The following CSMD1 variants were observed in gnomAD, a reference collection of about 807,000 sequenced individuals.
CSMD1 encodes the protein CUB and Sushi multiple domains 1.
Under a neutral mutation model 417.5 loss-of-function variants are expected in CSMD1, and 213 were observed. The observed-to-expected ratio is 0.51, with a 90% CI of 0.46 to 0.57. The LOEUF (loss-of-function observed/expected upper bound fraction) is 0.57. CSMD1 is among the 20% of genes least tolerant of loss of function. CSMD1 has a pLI of 0.00. For missense variants in CSMD1, 6,923 were observed against 4,529.7 expected (o/e 1.53, Z -15.17); for synonymous variants, 2,862 against 1,736.8 (o/e 1.65, Z -16.11).
intron 7 of CSMD1, among the ~76,000 whole-genome samples, chr8:3,695,897 G>A (rs975037609): frequency 6.6e-6 from 1 of 152,132 alleles, no homozygotes; most frequent in Non-Finnish European, 1.5e-5. Flanking sequence ...GTACTCATTT[G>A]ATATCTTTCT....
chr8:3,328,471 G>C lies in CSMD1; in HGVS notation c.3631+14823C>G, dbSNP rs73657815. ...CAGAATACCTTACAAAATTTTGTCTGTTGCTACACCCTCCAAATACTTCAA... is the reference window on the plus strand; with the variant it reads ...CAGAATACCTTACAAAATTTTGTCTCTTGCTACACCCTCCAAATACTTCAA... On this transcript the variant is annotated intron_variant, in intron 23 of 69. Transcript: ENST00000635120. Among the ~76,000 whole-genome samples, 1,159 of 152,282 alleles carry C rather than the reference G, an allele frequency of 7.6e-3. 11 individuals are homozygous for C. Among genetic ancestry groups the C allele is most frequent in the African/African-American group, 0.025 (1,059 of 41,564 alleles).
chr8:3,738,781 C>G (rs776296571), intron 6 of CSMD1, among the ~76,000 whole-genome samples: 1 of 152,186 alleles, frequency 6.6e-6, no homozygotes, highest in Admixed American at 6.5e-5. Context: ...CCTCCGTCAA[C>G]TGGGTGCACT....
At position 3,934,860 on chromosome 8, in the gene CSMD1, A is replaced by C. The variant is rs1235592774; in HGVS notation, c.818+63043T>G. Among the ~76,000 whole-genome samples the C allele has an allele frequency of 4.6e-5, 7 of 152,318 alleles. No individual in the cohort carries two copies. The South Asian group carries it at 1.2e-3, about 27-fold the overall frequency. On this transcript the variant is annotated intron_variant, in intron 5 of 69. Coordinates refer to ENST00000635120, the MANE Select transcript of CSMD1 (RefSeq NM_033225.6). ...AGACTCTGTCTCAATAAATAAATTAATTAAATAAAATAAAAACAATTGGTA... is the reference window on the plus strand; with the variant it reads ...AGACTCTGTCTCAATAAATAAATTACTTAAATAAAATAAAAACAATTGGTA...
At chr8:4,019,137 G>A (rs7843708) in intron 4 of CSMD1, among the ~76,000 whole-genome samples, 1 of 152,116 alleles carries the variant, frequency 6.6e-6, no homozygotes, top group Non-Finnish European at 1.5e-5. Context: ...GGTATCGTAA[G>A]ACTTAAAGAA....
chr8:4,045,843 C>T (rs1798120404), intron 3 of CSMD1, among the ~76,000 whole-genome samples: 4 of 152,058 alleles, frequency 2.6e-5, no homozygotes, highest in Admixed American at 2.0e-4. Flanking sequence ...CTTTTTCTTT[C>T]AGACTCTGGC....
rs918931875 is a variant in CSMD1 at position 4,046,189 on chromosome 8, CGT to C, written c.416-14092_416-14091del. ...CACACAATTTATATGTGTATGTGTG[CGT>C]GTGTGTGTAGAAAATAATAAAAGCA... On this transcript the variant is annotated intron_variant, in intron 3 of 69. Coordinates refer to ENST00000635120, the MANE Select transcript of CSMD1 (RefSeq NM_033225.6). 4.0e-5 allele frequency among the ~76,000 whole-genome samples: 6 copies of C among 151,716 alleles called. 1 individual carries two copies. The highest frequency in any genetic ancestry group is 2.0e-4 in the Admixed American group (3 of 15,246).
chr8:3,079,439 AT>A (rs1813924116), intron 49 of CSMD1, among the ~76,000 whole-genome samples: 1 of 152,248 alleles, frequency 6.6e-6, no homozygotes, highest in Non-Finnish European at 1.5e-5. Flanking sequence ...GTCTGGAAAT[AT>A]TGTATTAATA....
At chr8:3,774,483 G>T (rs140340513) in intron 5 of CSMD1, among the ~76,000 whole-genome samples, 21 of 152,290 alleles carry the variant, frequency 1.4e-4, no homozygotes, top group African/African-American at 5.1e-4. Flanking sequence ...ATAGGACAGA[G>T]AGACGGTTAA....
chr8:4,114,827 G>C (rs1480204437), intron 3 of CSMD1, among the ~76,000 whole-genome samples: 4 of 152,122 alleles, frequency 2.6e-5, no homozygotes, highest in South Asian at 2.1e-4. Flanking sequence ...AAATTAGAAG[G>C]GGAGGCTGAA....
At chr8:3,572,730 C>T (rs927183879) in intron 10 of CSMD1, among the ~76,000 whole-genome samples, 1 of 152,144 alleles carries the variant, frequency 6.6e-6, no homozygotes, top group Non-Finnish European at 1.5e-5. Flanking sequence ...ATCTCAATCC[C>T]TTTAATATAA....
intron 31 of CSMD1, among the ~76,000 whole-genome samples, chr8:3,202,075 G>A (rs1344881102): frequency 6.6e-6 from 1 of 152,192 alleles, no homozygotes; most frequent in African/African-American, 2.4e-5. Flanking sequence ...GGCTGAGGCA[G>A]GAGAATGGCT....
At chr8:4,388,961 A>C (rs768054461) in intron 3 of CSMD1, among the ~76,000 whole-genome samples, 1 of 152,134 alleles carries the variant, frequency 6.6e-6, no homozygotes, top group Non-Finnish European at 1.5e-5. Context: ...TACGTCTCTT[A>C]CCTCACACAC....
chr8:4,211,825 G>T (rs1041755696), intron 3 of CSMD1, among the ~76,000 whole-genome samples: 1 of 152,132 alleles, frequency 6.6e-6, no homozygotes, highest in African/African-American at 2.4e-5. Flanking sequence ...TAATTTTTCA[G>T]TAGGAGTCTT....
chr8:3,249,292 G>C (rs1260924539), intron 26 of CSMD1, among the ~76,000 whole-genome samples: 1 of 152,176 alleles, frequency 6.6e-6, no homozygotes, highest in African/African-American at 2.4e-5. Context: ...CGTGATCTCA[G>C]TTCACTGCAA....
At chr8:4,848,094 T>G (rs1007638052) in intron 1 of CSMD1, among the ~76,000 whole-genome samples, 1 of 152,090 alleles carries the variant, frequency 6.6e-6, no homozygotes. Flanking sequence ...GTTTTGCAAC[T>G]GTGTTATTTT....
chr8:4,381,458 G>A (rs568490041), intron 3 of CSMD1, among the ~76,000 whole-genome samples: 63 of 152,276 alleles, frequency 4.1e-4, no homozygotes, highest in African/African-American at 1.3e-3. Flanking sequence ...TGGTGCCGAC[G>A]TGTGCTAAAG....
chr8:3,421,116 A>C (rs1050547887), intron 12 of CSMD1, among the ~76,000 whole-genome samples: 1 of 152,250 alleles, frequency 6.6e-6, no homozygotes, highest in Non-Finnish European at 1.5e-5. Flanking sequence ...TCAGTATGAA[A>C]AAATGAAAAT....
intron 3 of CSMD1, among the ~76,000 whole-genome samples, chr8:4,251,975 G>A (rs75858810): frequency 0.012 from 1,783 of 151,994 alleles, 85 homozygotes; most frequent in Admixed American, 0.085. Flanking sequence ...TGGAGGTAAG[G>A]AGAAAACAGA....
chr8:3,843,276 T>A (rs1326566620), intron 5 of CSMD1, among the ~76,000 whole-genome samples: 1 of 152,182 alleles, frequency 6.6e-6, no homozygotes, highest in African/African-American at 2.4e-5. Flanking sequence ...ATACTTTCGT[T>A]GTTTGTTAAT....
Sources: gnomAD v4.1 joint callset for allele counts (sites outside exome capture counted in the v4.1 genomes callset) on GRCh38, gnomAD v4.1.1 for gene constraint, MANE v1.5 for transcripts, NCBI Gene and HGNC (gene_info 2026-07-23, HGNC 2026-07-21) for gene names.